LPP: variants seen among roughly 807,000 people sequenced by gnomAD.
The protein encoded by LPP is lipoma-preferred partner.
In LPP, 38 loss-of-function variants were observed where a neutral mutation model predicts 60.4. The observed-to-expected ratio is 0.63, with a 90% CI of 0.49 to 0.83. The LOEUF (loss-of-function observed/expected upper bound fraction) is 0.83. Ranked by LOEUF, LPP falls within the 40% of genes least tolerant of loss-of-function variation. The pLI is 0.00. For synonymous variants in LPP, 328 were observed against 290.8 expected (o/e 1.13, Z -1.30); for missense variants, 902 against 783.6 (o/e 1.15, Z -1.80).
At chr3:188,227,911 A>T (rs919574528) in intron 2 of LPP, among the ~76,000 whole-genome samples, 1 of 152,216 alleles carries the variant, frequency 6.6e-6, no homozygotes, top group African/African-American at 2.4e-5. Context: ...CTGAATTTGG[A>T]CATAGTCCCA....
chr3:188,499,060 C>A (rs1222949699), intron 5 of LPP, among the ~76,000 whole-genome samples: 1 of 151,914 alleles, frequency 6.6e-6, no homozygotes, highest in South Asian at 2.1e-4. Context: ...AATCCCTTAT[C>A]AGGTATGATT....
intron 9 of LPP, among the ~76,000 whole-genome samples, chr3:188,835,045 G>A (rs1245799752): frequency 6.6e-6 from 1 of 152,120 alleles, no homozygotes; most frequent in African/African-American, 2.4e-5. Flanking sequence ...CTTACTGCCT[G>A]TTCTCATTTG....
intron 8 of LPP, among the ~76,000 whole-genome samples, chr3:188,715,770 T>A (rs1326264588): frequency 1.3e-5 from 2 of 152,222 alleles, no homozygotes; most frequent in Non-Finnish European, 2.9e-5. Context: ...TGTTTGTATA[T>A]GAAGCTTTTC....
At chr3:188,695,977 A>AT (rs902485432) in intron 7 of LPP, among the ~76,000 whole-genome samples, 4 of 152,340 alleles carry the variant, frequency 2.6e-5, no homozygotes, top group African/African-American at 7.2e-5. Flanking sequence ...TATGGGTATG[A>AT]TTTTGGCTAA....
chr3:188,421,032 C>CA (rs1355826525), intron 4 of LPP, among the ~76,000 whole-genome samples: 3 of 152,242 alleles, frequency 2.0e-5, no homozygotes, highest in South Asian at 4.1e-4. Context: ...CCTCACCCCC[C>CA]ATTTTACTGT....
chr3:188,316,495 T>C (rs796266963), intron 2 of LPP, among the ~76,000 whole-genome samples: 3 of 152,186 alleles, frequency 2.0e-5, no homozygotes, highest in African/African-American at 7.2e-5. Context: ...AGAATTAGAA[T>C]GCTAGCAGTG....
At chr3:188,400,038 A>T (rs1161658574) in intron 3 of LPP, among the ~76,000 whole-genome samples, 3 of 150,600 alleles carry the variant, frequency 2.0e-5, no homozygotes, top group African/African-American at 7.3e-5. Context: ...TTTTGTAGTT[A>T]TTTGCTTTCT....
intron 7 of LPP, among the ~76,000 whole-genome samples, chr3:188,679,786 G>T (rs554428860): frequency 6.6e-6 from 1 of 151,706 alleles, no homozygotes; most frequent in Non-Finnish European, 1.5e-5. Context: ...TTTTCTTATG[G>T]GGCTATTCTA....
chr3:188,555,590 C>T (rs1829279056), intron 6 of LPP, among the ~76,000 whole-genome samples: 1 of 151,934 alleles, frequency 6.6e-6, no homozygotes, highest in South Asian at 2.1e-4. Flanking sequence ...ATAGAAGAGT[C>T]AAGAATGGCT....
chr3:188,252,893 T>C (rs1448084152), intron 2 of LPP, among the ~76,000 whole-genome samples: 7 of 152,120 alleles, frequency 4.6e-5, no homozygotes, highest in Admixed American at 6.6e-5. Flanking sequence ...TGCCTCAACC[T>C]CCCAAGTAGC....
At chr3:188,491,141 A>G (rs1210187938) in intron 5 of LPP, among the ~76,000 whole-genome samples, 1 of 152,156 alleles carries the variant, frequency 6.6e-6, no homozygotes, top group Non-Finnish European at 1.5e-5. Context: ...ATTTTTAGAC[A>G]TAAGGAACTC....
intron 8 of LPP, among the ~76,000 whole-genome samples, chr3:188,719,866 T>C (rs941032827): frequency 6.6e-6 from 1 of 152,206 alleles, no homozygotes; most frequent in South Asian, 2.1e-4. Flanking sequence ...AGCAAAGCTA[T>C]TGTTTGAACA....
chr3:188,549,372 G>A (rs1827469159), intron 6 of LPP, among the ~76,000 whole-genome samples: 1 of 149,026 alleles, frequency 6.7e-6, no homozygotes, highest in Non-Finnish European at 1.5e-5. Flanking sequence ...GCCTCACTGT[G>A]GTGGTTCTAC....
At chr3:188,374,084 C>T (rs961654638) in intron 3 of LPP, among the ~76,000 whole-genome samples, 10 of 152,158 alleles carry the variant, frequency 6.6e-5, no homozygotes, top group East Asian at 5.8e-4. Context: ...TTTTGGTACC[C>T]GTACCATGCT....
intron 1 of LPP, among the ~76,000 whole-genome samples, chr3:188,163,953 A>G (rs541954515): frequency 5.3e-4 from 79 of 148,332 alleles, no homozygotes; most frequent in African/African-American, 1.9e-3. Context: ...TCTGTCTCCA[A>G]AAAAAAAAAA....
intron 6 of LPP, among the ~76,000 whole-genome samples, chr3:188,602,494 T>C (rs949619830): frequency 6.6e-6 from 1 of 151,776 alleles, no homozygotes; most frequent in Admixed American, 6.6e-5. Flanking sequence ...CCAATTATAT[T>C]TATTTATCCA....
chr3:188,689,744 G>A (rs369162022), intron 7 of LPP, among the ~76,000 whole-genome samples: 2 of 152,142 alleles, frequency 1.3e-5, no homozygotes, highest in Admixed American at 6.6e-5. Context: ...ACAAGTGAGC[G>A]GAGGAATGGG....
chr3:188,518,367 T>G (rs921383183), intron 5 of LPP, among the ~76,000 whole-genome samples: 10 of 152,304 alleles, frequency 6.6e-5, no homozygotes, highest in Admixed American at 3.9e-4. Context: ...AAAGAAAAGT[T>G]GTATGTAAAC....
intron 3 of LPP, among the ~76,000 whole-genome samples, chr3:188,383,689 C>T (rs1434444313): frequency 1.3e-5 from 2 of 152,176 alleles, no homozygotes; most frequent in Admixed American, 1.3e-4. Context: ...TTGCTCAACT[C>T]TGAATATATT....
Sources: gnomAD v4.1 joint callset for allele counts (sites outside exome capture counted in the v4.1 genomes callset) on GRCh38, gnomAD v4.1.1 for gene constraint, MANE v1.5 for transcripts, NCBI Gene and HGNC (gene_info 2026-07-23, HGNC 2026-07-21) for gene names.